Variants in CLGN observed in about 807,000 individuals in gnomAD.
CLGN encodes the protein calmegin.
CLGN carries 62 observed loss-of-function variants against 79.1 expected under a neutral mutation model. The observed-to-expected ratio is 0.78, with a 90% CI of 0.64 to 0.97. CLGN has a LOEUF of 0.97. Ranked by LOEUF, CLGN falls within the 50% of genes least tolerant of loss-of-function variation. The probability of loss-of-function intolerance (pLI) is 0.00; values close to 1 mark genes in which losing one functional copy is unlikely to be tolerated. For missense variants in CLGN, 647 were observed against 715.5 expected (o/e 0.90, Z 1.09); for synonymous variants, 225 against 224.7 (o/e 1.00, Z -0.01).
chr4:140,404,328 C>T (rs372614423), intron 5 of CLGN, among the ~76,000 whole-genome samples: 507 of 152,216 alleles, frequency 3.3e-3, no homozygotes, highest in African/African-American at 0.012. Context: ...CTCCTGACCT[C>T]GTGATCCACC....
At chr4:140,424,378 G>T (rs898381127) in intron 1 of CLGN, among the ~76,000 whole-genome samples, 1 of 151,998 alleles carries the variant, frequency 6.6e-6, no homozygotes, top group East Asian at 1.9e-4. Flanking sequence ...AACTTACTTT[G>T]TATGATTTCA....
At chr4:140,399,315 T>C (rs1366255744) in intron 7 of CLGN, among the ~76,000 whole-genome samples, 1 of 152,226 alleles carries the variant, frequency 6.6e-6, no homozygotes, top group African/African-American at 2.4e-5. Flanking sequence ...TTGGGACTCA[T>C]AACGAGTCAG....
intron 8 of CLGN, among the ~76,000 whole-genome samples, chr4:140,396,938 T>TATATATAC (rs1728903078): frequency 7.0e-6 from 1 of 143,722 alleles, no homozygotes; most frequent in Admixed American, 7.3e-5. Context: ...TATATATATA[T>TATATATAC]ACACATAGCT....
intron 5 of CLGN, among the ~76,000 whole-genome samples, chr4:140,404,172 C>G (rs1386451898): frequency 2.0e-5 from 3 of 152,166 alleles, no homozygotes; most frequent in Non-Finnish European, 4.4e-5. Flanking sequence ...CGGCTCACTG[C>G]AAGCCCTGCC....
At position 140,413,079 on chromosome 4, in the gene CLGN, A is replaced by G; in HGVS notation, c.-1T>C. The G allele has an allele frequency of 6.2e-7, 1 of 1,607,008 alleles. No individual in the cohort carries two copies. Among genetic ancestry groups the G allele is most frequent in the Non-Finnish European group, 8.5e-7 (1 of 1,177,756 alleles). On this transcript the variant is annotated 5_prime_UTR_variant, in exon 2 of 15. Coordinates refer to ENST00000325617, the MANE Select transcript of CLGN (RefSeq NM_004362.3). ...ATAGCCAAAAGGCTTGGAAATGCAT[A>G]TTGATTATCTGTGAAATTAAAAGTA... is the stretch of plus-strand genomic sequence containing the variant.
intron 1 of CLGN, among the ~76,000 whole-genome samples, chr4:140,418,477 A>G (rs898223414): frequency 2.0e-5 from 3 of 147,176 alleles, no homozygotes; most frequent in African/African-American, 7.8e-5. Flanking sequence ...AATATCCAGA[A>G]TCTACAATGA....
At chr4:140,393,268 G>A (rs79048080) in intron 11 of CLGN, among the ~76,000 whole-genome samples, 2,420 of 151,982 alleles carry the variant, frequency 0.016, 44 homozygotes, top group African/African-American at 0.053. Context: ...ATGGTTTTTC[G>A]CTAGTGACCC....
chr4:140,415,404 G>T (rs1266513123), intron 1 of CLGN, among the ~76,000 whole-genome samples: 2 of 151,078 alleles, frequency 1.3e-5, no homozygotes, highest in East Asian at 3.9e-4. Flanking sequence ...ACACAGACTG[G>T]CAAATTGGAT....
chr4:140,403,780 G>A (rs528001681), intron 5 of CLGN, among the ~76,000 whole-genome samples: 1 of 152,210 alleles, frequency 6.6e-6, no homozygotes, highest in South Asian at 2.1e-4. Flanking sequence ...CTTTTACCTA[G>A]TATAAATGAT....
intron 1 of CLGN, 64 bp from the exon 2 acceptor site, chr4:140,413,151 G>A: frequency 1.6e-6 from 2 of 1,281,548 alleles, no homozygotes; most frequent in Non-Finnish European, 2.2e-6. Flanking sequence ...TTAAGTATAT[G>A]TAGAAATAAA....
At chr4:140,425,622 CTTTTTTTTTT>C (rs60198755) in intron 1 of CLGN, among the ~76,000 whole-genome samples, 4 of 97,188 alleles carry the variant, frequency 4.1e-5, no homozygotes, top group Non-Finnish European at 7.6e-5. Flanking sequence ...TTTGTAATTC[CTTTTTTTTTT>C]TTTTTTTTTT....
intron 1 of CLGN, among the ~76,000 whole-genome samples, chr4:140,425,429 GGTGTGTGTGTGTGTGTGTGTGT>G (rs754897067): frequency 1.7e-5 from 2 of 116,888 alleles, no homozygotes; most frequent in African/African-American, 5.9e-5. Context: ...GAATCAATAG[GGTGTGTGTGTGTGTGTGTGTGT>G]GTGTGTGTGT....
intron 4 of CLGN, 75 bp downstream of exon 4, chr4:140,409,762 A>C (rs1180500984): frequency 4.3e-6 from 4 of 940,876 alleles, no homozygotes; most frequent in Non-Finnish European, 4.8e-6. Flanking sequence ...ACACAATTTA[A>C]CAAAAATCTA....
intron 2 of CLGN, among the ~76,000 whole-genome samples, chr4:140,412,250 T>C (rs996740646): frequency 5.3e-5 from 8 of 152,162 alleles, no homozygotes; most frequent in African/African-American, 1.9e-4. Flanking sequence ...AACAACTACA[T>C]ATTATTCCCT....
intron 1 of CLGN, among the ~76,000 whole-genome samples, chr4:140,415,041 A>G (rs1729299138): frequency 6.6e-6 from 1 of 151,978 alleles, no homozygotes; most frequent in Non-Finnish European, 1.5e-5. Flanking sequence ...GTGGGGGCCA[A>G]TATTCAACAT....
At chr4:140,405,168 T>A (rs998634598) in intron 5 of CLGN, among the ~76,000 whole-genome samples, 21 of 80,844 alleles carry the variant, frequency 2.6e-4, no homozygotes, top group Admixed American at 7.9e-4. Context: ...CAAGTAATTT[T>A]TTTTATTTTT....
chr4:140,426,091 GT>G (rs1442718498), intron 1 of CLGN, among the ~76,000 whole-genome samples: 2 of 152,066 alleles, frequency 1.3e-5, no homozygotes, highest in African/African-American at 4.8e-5. Context: ...ATTACTTAAA[GT>G]TTTAGTTGTC....
chr4:140,394,387 C>A lies in CLGN; in HGVS notation c.1150-346G>T, dbSNP rs147411633. On this transcript the variant is annotated intron_variant, in intron 10 of 14. Coordinates refer to ENST00000325617, the MANE Select transcript of CLGN (RefSeq NM_004362.3). Reference sequence around the variant, plus strand: ...AAAATGTTATTCAAGTTGTCCAAATCAGAAAGATCATTGTATAGCAAAAAT... The same window carrying A: ...AAAATGTTATTCAAGTTGTCCAAATAAGAAAGATCATTGTATAGCAAAAAT... Among the ~76,000 whole-genome samples, 427 of 152,264 alleles carry A rather than the reference C, an allele frequency of 2.8e-3. 1 individual carries two copies. In the Middle Eastern group the frequency reaches 0.031, roughly 11 times the overall value.
At chr4:140,407,855 A>G (rs1287196633) in intron 4 of CLGN, among the ~76,000 whole-genome samples, 2 of 152,150 alleles carry the variant, frequency 1.3e-5, no homozygotes, top group Non-Finnish European at 2.9e-5. Flanking sequence ...ATATGGAACC[A>G]AAAAAGAGCC....
Sources: allele counts gnomAD v4.1 joint callset (sites outside exome capture counted in the v4.1 genomes callset), GRCh38; gene constraint gnomAD v4.1.1; transcripts MANE v1.5; gene names NCBI Gene and HGNC (gene_info 2026-07-23, HGNC 2026-07-21).